The following TOP2A variants were observed in gnomAD, a reference collection of about 807,000 sequenced individuals.
TOP2A encodes DNA topoisomerase II alpha.
Under a neutral mutation model 187.2 loss-of-function variants are expected in TOP2A, and 68 were observed. That is an observed-to-expected ratio of 0.36 (90% CI 0.30 to 0.44). The LOEUF (loss-of-function observed/expected upper bound fraction) is 0.44. TOP2A is among the 20% of genes least tolerant of loss of function. The pLI is 1.00. For missense variants in TOP2A, 1,196 were observed against 1,808.7 expected (o/e 0.66, Z 6.14); for synonymous variants, 542 against 593.2 (o/e 0.91, Z 1.25).
In TOP2A at chr17:40,413,109, G is replaced by A. The variant is rs1177468122; in HGVS notation, c.576+86C>T. ...CATACTTCAATAGCTTATAAATTAT[G>A]TTAAATTAAACCAATCATTAATGCC... On this transcript the variant is annotated intron_variant, in intron 6 of 34. Coordinates refer to ENST00000423485, the MANE Select transcript of TOP2A (RefSeq NM_001067.4). The A allele has an allele frequency of 3.1e-6, 4 of 1,307,232 alleles. No individual in the cohort carries two copies. In the East Asian group the frequency reaches 7.6e-5, roughly 25 times the overall value. 81.0% of individuals were successfully genotyped at this position (1,307,232 alleles called of 1,614,324 possible).
intron 7 of TOP2A, among the ~76,000 whole-genome samples, chr17:40,412,110 C>T (rs757767096): frequency 9.2e-5 from 14 of 152,046 alleles, no homozygotes; most frequent in Non-Finnish European, 1.8e-4. Context: ...GTGGGATGAT[C>T]GCTTGAGCCT....
Position 40,389,541 on chromosome 17 carries a change from G to A in TOP2A, c.4574C>T (p.Ser1525Leu), listed in dbSNP as rs2034996397. 6.3e-7 allele frequency: 1 copy of A among 1,594,018 alleles called. No individual in the cohort carries two copies. The highest frequency in any genetic ancestry group is 8.6e-7 in the Non-Finnish European group (1 of 1,169,482). The change falls in exon 35 of 35, where the codon TCA becomes TTA. Residue 1525 changes from serine (S) to leucine (L), a missense_variant. Physicochemically the swap from Ser to Leu is moderately radical, Grantham distance 145. Coordinates refer to ENST00000423485, the MANE Select transcript of TOP2A (RefSeq NM_001067.4). ...AKKPIKYLEESDEDDLF is the reference protein window; with the variant it reads ...AKKPIKYLEELDEDDLF ...ATTTTAAAACAGATCATCTTCATCTGACTCTTCCAGGTACTTTATAGGTTT... is the reference window on the plus strand; with the variant it reads ...ATTTTAAAACAGATCATCTTCATCTAACTCTTCCAGGTACTTTATAGGTTT...
intron 20 of TOP2A, 58 bp from the exon 21 acceptor site, chr17:40,401,139 T>A: frequency 6.9e-7 from 1 of 1,444,020 alleles, no homozygotes. Context: ...CACACTTAAC[T>A]TTTATGGAAA....
intron 34 of TOP2A, 29 bp from the exon 35 acceptor site, chr17:40,389,676 A>C: frequency 6.2e-7 from 1 of 1,600,846 alleles, no homozygotes; most frequent in Non-Finnish European, 8.5e-7. Context: ...GGTAACTTGC[A>C]CATTGTAAAT....
At chr17:40,394,075 A>AG (rs1406176245) in intron 29 of TOP2A, among the ~76,000 whole-genome samples, 1 of 152,018 alleles carries the variant, frequency 6.6e-6, no homozygotes, top group East Asian at 1.9e-4. Context: ...CAAAAAAAAA[A>AG]AAAAAAAAAG....
In TOP2A at chr17:40,399,049, G is replaced by A. The variant is rs1245215923; in HGVS notation, c.3279C>T (p.Ala1093=). 1.9e-6 allele frequency: 3 copies of A among 1,591,550 alleles called. No homozygotes were observed. The highest frequency in any genetic ancestry group is 2.3e-5 in the East Asian group (1 of 44,302). Residue 1093 remains alanine, a synonymous_variant, in exon 25 of 35, where the codon GCC becomes GCT. Coordinates refer to ENST00000423485, the MANE Select transcript of TOP2A (RefSeq NM_001067.4). ...DSDPVKAWKE[A]QQKVPDEEEN... ...TGCCACCCAAGATTACCTTTTGCTGGGCTTCTTTCCAGGCCTTCACAGGAT... is the reference window on the plus strand; with the variant it reads ...TGCCACCCAAGATTACCTTTTGCTGAGCTTCTTTCCAGGCCTTCACAGGAT...
intron 18 of TOP2A, 34 bp downstream of exon 18, chr17:40,404,343 T>C: frequency 6.2e-7 from 1 of 1,606,872 alleles, no homozygotes; most frequent in Non-Finnish European, 8.5e-7. Context: ...ATTTCCATCT[T>C]ACAATGAAAA....
In TOP2A at chr17:40,404,598, G is replaced by A. The variant is rs2035216866; in HGVS notation, c.2047-107C>T. Reference sequence around the variant, plus strand: ...TAAGAATTATTTCTGTAATTCTTAAGTCTTTAAAAAATATTGAATAATACA... The same window carrying A: ...TAAGAATTATTTCTGTAATTCTTAAATCTTTAAAAAATATTGAATAATACA... On this transcript the variant is annotated intron_variant, in intron 17 of 34. Coordinates refer to ENST00000423485, the MANE Select transcript of TOP2A (RefSeq NM_001067.4). 9 of 754,492 alleles carry A rather than the reference G, an allele frequency of 1.2e-5. 1 individual carries two copies. The South Asian group carries it at 1.5e-4, about 13-fold the overall frequency. 46.7% of individuals were successfully genotyped at this position (754,492 alleles called of 1,614,324 possible).
chr17:40,398,501 C>T, intron 27 of TOP2A, 57 bp downstream of exon 27: 3 of 1,410,148 alleles, frequency 2.1e-6, no homozygotes, highest in South Asian at 2.6e-5. Context: ...AGGTATACTG[C>T]TGGAATATAT....
Position 40,404,820 on chromosome 17 carries a change from T to G in TOP2A, c.2017A>C (p.Arg673=). 1.2e-6 allele frequency: 2 copies of G among 1,605,756 alleles called. No homozygotes were observed. The highest frequency in any genetic ancestry group is 1.7e-6 in the Non-Finnish European group (2 of 1,175,478). The part of the protein sequence containing the change: ...EWLTNFMEDR[R]QRKLLGLPED... ...GGAAGCCCAAGTAACTTTCGTTGTC[T>G]TCTATCCTCCATGAAATTAGTTAAC... Residue 673 remains arginine (R), a synonymous_variant, in exon 17 of 35, where the codon AGA becomes CGA. Transcript: ENST00000423485.
intron 10 of TOP2A, chr17:40,409,231 G>C (rs1361663526): frequency 3.9e-6 from 1 of 256,622 alleles, no homozygotes; most frequent in East Asian, 1.2e-4. Context: ...GGGTAGCCAG[G>C]CATGGTGGTG....
At position 40,411,010 on chromosome 17, in the gene TOP2A, A is replaced by G. The variant is rs2035313694; in HGVS notation, c.1203+99T>C. On this transcript the variant is annotated intron_variant, in intron 10 of 34. Coordinates refer to ENST00000423485, the MANE Select transcript of TOP2A (RefSeq NM_001067.4). This position sits in a 1 kb window ranked among gnomAD's most constrained non-coding sequence, Gnocchi z 4.4. Reference sequence around the variant, plus strand: ...CTTTTCAGATTGGGAAGACTTGGAGAAGCTCACTATGAGAAGAATCATTGT... The same window carrying G: ...CTTTTCAGATTGGGAAGACTTGGAGGAGCTCACTATGAGAAGAATCATTGT... 1.6e-6 allele frequency: 2 copies of G among 1,241,470 alleles called. No individual in the cohort carries two copies. The highest frequency in any genetic ancestry group is 1.5e-5 in the African/African-American group (1 of 65,568). The allele number at this position is 1,241,470 out of a possible 1,614,324, so 76.9% of individuals were successfully genotyped here.
In TOP2A at chr17:40,391,620, TAAC is replaced by T; in HGVS notation, c.4150_4152del (p.Val1384del). The T allele has an allele frequency of 6.2e-7, 1 of 1,603,594 alleles. No individual in the cohort carries two copies. The highest frequency in any genetic ancestry group is 8.5e-7 in the Non-Finnish European group (1 of 1,176,464). Reference sequence around the variant, plus strand: ...CTTGAAGACAGTGGTACACTGCCCTTAACATCATCAGCTTCAAGGTCTATTATT... The same window carrying T: ...CTTGAAGACAGTGGTACACTGCCCTTATCATCAGCTTCAAGGTCTATTATT... On this transcript the variant is annotated inframe_deletion, in exon 33 of 35. Coordinates refer to ENST00000423485, the MANE Select transcript of TOP2A (RefSeq NM_001067.4).
chr17:40,406,341 AT>A, intron 16 of TOP2A, 42 bp downstream of exon 16: 1 of 1,436,140 alleles, frequency 7.0e-7, no homozygotes, highest in South Asian at 1.3e-5. Context: ...TAAAGTAGTG[AT>A]TTCTAAAATT....
At position 40,416,001 on chromosome 17, in the gene TOP2A, G is replaced by A. The variant is rs368552745; in HGVS notation, c.332+4C>T. ...ACATAACAAAAACTAAGCAAAAGAC[G>A]TACGGATCAATTGTGACTCTAATAC... On this transcript the variant is annotated splice_donor_region_variant and intron_variant, in intron 4 of 34. Coordinates refer to ENST00000423485, the MANE Select transcript of TOP2A (RefSeq NM_001067.4). 2.9e-5 allele frequency: 45 copies of A among 1,576,818 alleles called. No individual in the cohort carries two copies. Among genetic ancestry groups the A allele is most frequent in the African/African-American group, 8.1e-5 (6 of 74,254 alleles).
intron 4 of TOP2A, among the ~76,000 whole-genome samples, chr17:40,415,108 G>A (rs796762632): frequency 4.0e-5 from 6 of 149,176 alleles, no homozygotes; most frequent in African/African-American, 1.2e-4. Context: ...AGGCTGGAGT[G>A]CAGTGGTGCA....
chr17:40,400,160 A>G, intron 23 of TOP2A, 49 bp downstream of exon 23: 1 of 1,592,600 alleles, frequency 6.3e-7, no homozygotes, highest in South Asian at 1.1e-5. Flanking sequence ...ATTGATATTA[A>G]TCTTTAATAT....
Position 40,411,490 on chromosome 17 carries a change from T to C in TOP2A, c.964-35A>G. On this transcript the variant is annotated intron_variant, in intron 8 of 34. Coordinates refer to ENST00000423485, the MANE Select transcript of TOP2A (RefSeq NM_001067.4). This position sits in a 1 kb window ranked among gnomAD's most constrained non-coding sequence, Gnocchi z 4.4. ...AAAAATACCAAACTGTAAAACTCAG[T>C]ATCCTCAAAATTATAATAATCAAAC... 1 of 1,594,822 alleles carries C rather than the reference T, an allele frequency of 6.3e-7. No individual in the cohort carries two copies. Among genetic ancestry groups the C allele is most frequent in the Non-Finnish European group, 8.6e-7 (1 of 1,162,696 alleles).
chr17:40,404,883 C>T lies in TOP2A; in HGVS notation c.1954G>A (p.Ala652Thr). The change falls in exon 17 of 35, where the codon GCC becomes ACC. Residue 652 changes from alanine (A) to threonine (T), a missense_variant and splice_region_variant. Physicochemically the swap from Ala to Thr is moderately conservative, Grantham distance 58. Coordinates refer to ENST00000423485, the MANE Select transcript of TOP2A (RefSeq NM_001067.4). ...TCATCTATCTGTTTTTTGCTAAAGGCCTATAAATTAAAGGATGAAAAGATG... is the reference window on the plus strand; with the variant it reads ...TCATCTATCTGTTTTTTGCTAAAGGTCTATAAATTAAAGGATGAAAAGATG... ...GPEDDAAISLAFSKKQIDDRK... is the reference protein window; with the variant it reads ...GPEDDAAISLTFSKKQIDDRK... 1 of 1,560,336 alleles carries T rather than the reference C, an allele frequency of 6.4e-7. No individual in the cohort carries two copies. Among genetic ancestry groups the T allele is most frequent in the Non-Finnish European group, 8.7e-7 (1 of 1,146,044 alleles).
Sources: gnomAD v4.1 joint callset for allele counts (sites outside exome capture counted in the v4.1 genomes callset) on GRCh38, gnomAD v4.1.1 for gene constraint, Gnocchi (gnomAD v3.1) non-coding constraint, MANE v1.5 for transcripts, NCBI Gene and HGNC (gene_info 2026-07-23, HGNC 2026-07-21) for gene names.